Variants in CMTM7 observed in about 807,000 individuals in gnomAD.
CMTM7 encodes CKLF like MARVEL transmembrane domain containing 7, also known as CKLF-like MARVEL transmembrane domain-containing protein 7.
In CMTM7, 7 loss-of-function variants were observed where a neutral mutation model predicts 19.3. The ratio of observed to expected loss-of-function variants is 0.36; its 90% confidence interval spans 0.21 to 0.68. CMTM7 has a LOEUF of 0.68. Among genes scored for constraint, CMTM7 ranks in the 30% least tolerant of loss-of-function variants. The probability of loss-of-function intolerance (pLI) is 0.60; values close to 1 mark genes in which losing one functional copy is unlikely to be tolerated. For missense variants in CMTM7, 193 were observed against 232.6 expected, an observed-to-expected ratio of 0.83 and a Z score of 1.11; for synonymous variants, 87 against 99.3, an observed-to-expected ratio of 0.88 and a Z score of 0.74.
Position 32,411,832 on chromosome 3 carries a change from A to G in CMTM7, c.159+19767A>G, listed in dbSNP as rs527767266. Among the ~76,000 whole-genome samples, 6 of 152,218 alleles carry G rather than the reference A, an allele frequency of 3.9e-5. No homozygotes were observed. The East Asian group carries it at 1.2e-3, about 29-fold the overall frequency. On this transcript the variant is annotated intron_variant, in intron 1 of 4. Coordinates refer to ENST00000334983, the MANE Select transcript of CMTM7 (RefSeq NM_138410.4). ...AGTGGCTCACGCCTCTAATCCCAAC[A>G]CTTTGGGAGGCCGAGGCAGGCGGAT...
intron 1 of CMTM7, among the ~76,000 whole-genome samples, chr3:32,428,000 G>A (rs1696459217): frequency 1.3e-5 from 2 of 152,210 alleles, no homozygotes; most frequent in East Asian, 3.8e-4. Context: ...AAACTGGCTA[G>A]GGCAGAGACT....
chr3:32,400,770 A>G (rs749191392), intron 1 of CMTM7, among the ~76,000 whole-genome samples: 29 of 152,156 alleles, frequency 1.9e-4, no homozygotes, highest in Non-Finnish European at 4.0e-4. Flanking sequence ...GTGCTGTCAT[A>G]GCCAGTCATG....
chr3:32,410,845 G>A (rs1696162834), intron 1 of CMTM7, among the ~76,000 whole-genome samples: 1 of 152,224 alleles, frequency 6.6e-6, no homozygotes. Context: ...GATGACAGAA[G>A]TGTCTGTCAG....
At chr3:32,416,488 T>C (rs895565657) in intron 1 of CMTM7, among the ~76,000 whole-genome samples, 2 of 120,346 alleles carry the variant, frequency 1.7e-5, no homozygotes, top group Non-Finnish European at 3.5e-5. Flanking sequence ...CTTCCCGGGT[T>C]CACTCCATTC....
chr3:32,411,383 T>G (rs954923234), intron 1 of CMTM7, among the ~76,000 whole-genome samples: 19 of 152,240 alleles, frequency 1.2e-4, no homozygotes, highest in Non-Finnish European at 5.9e-5. Flanking sequence ...GAAAAATAAA[T>G]TGGTTAAGAT....
At chr3:32,444,439 C>T (rs1696725364) in intron 2 of CMTM7, among the ~76,000 whole-genome samples, 1 of 152,220 alleles carries the variant, frequency 6.6e-6, no homozygotes, top group African/African-American at 2.4e-5. Context: ...ATGCCATTAT[C>T]ACACTATTTT....
intron 1 of CMTM7, among the ~76,000 whole-genome samples, chr3:32,424,569 A>G (rs554560630): frequency 6.6e-6 from 1 of 152,046 alleles, no homozygotes; most frequent in Admixed American, 6.5e-5. Flanking sequence ...GATTCAGAAT[A>G]TCTGGTTGCA....
At chr3:32,392,178 C>A in intron 1 of CMTM7, 113 bp downstream of exon 1, 1 of 839,200 alleles carries the variant, frequency 1.2e-6, no homozygotes, top group Non-Finnish European at 1.6e-6. Context: ...GGGAGCATCG[C>A]GCAGCGGGCG....
At position 32,454,266 on chromosome 3, in the gene CMTM7, C is replaced by T. The variant is rs759153858; in HGVS notation, c.*12C>T. On this transcript the variant is annotated 3_prime_UTR_variant, in exon 5 of 5. Coordinates refer to ENST00000334983, the MANE Select transcript of CMTM7 (RefSeq NM_138410.4). ...ATGCAGCCGTCTGATGAGGCCACAA[C>T]CCCTAGGCCCCTCAGGAGCTTTGCA... 4.3e-6 allele frequency: 7 copies of T among 1,613,390 alleles called. No homozygotes were observed. Among genetic ancestry groups the T allele is most frequent in the Non-Finnish European group, 5.9e-6 (7 of 1,179,446 alleles).
At chr3:32,396,466 G>A (rs1392828269) in intron 1 of CMTM7, among the ~76,000 whole-genome samples, 1 of 151,970 alleles carries the variant, frequency 6.6e-6, no homozygotes, top group East Asian at 1.9e-4. Context: ...GAGATTGCGT[G>A]ACTGTACTCT....
At chr3:32,410,606 C>G (rs997178945) in intron 1 of CMTM7, among the ~76,000 whole-genome samples, 12 of 151,478 alleles carry the variant, frequency 7.9e-5, no homozygotes, top group Admixed American at 1.3e-4. Context: ...GCCTGCGGGC[C>G]AAGAAGCTGG....
At chr3:32,439,140 T>A (rs1410194327) in intron 1 of CMTM7, among the ~76,000 whole-genome samples, 1 of 152,166 alleles carries the variant, frequency 6.6e-6, no homozygotes, top group East Asian at 1.9e-4. Flanking sequence ...GGCAGAGGTG[T>A]GAATCATTAT....
intron 1 of CMTM7, among the ~76,000 whole-genome samples, chr3:32,401,869 A>G (rs1431202235): frequency 6.6e-6 from 1 of 152,152 alleles, no homozygotes; most frequent in East Asian, 1.9e-4. Flanking sequence ...TGCGGAGCGG[A>G]AAGGGGGCTG....
intron 1 of CMTM7, among the ~76,000 whole-genome samples, chr3:32,418,948 T>C (rs1369938547): frequency 6.6e-6 from 1 of 152,196 alleles, no homozygotes; most frequent in African/African-American, 2.4e-5. Context: ...GGGATTTGAT[T>C]GAAATTGTGT....
At chr3:32,454,154 C>A in intron 4 of CMTM7, 87 bp from the exon 5 acceptor site, 1 of 1,416,966 alleles carries the variant, frequency 7.1e-7, no homozygotes, top group Non-Finnish European at 9.6e-7. Context: ...CCCCCCTGAG[C>A]AGAACTTGGA....
intron 1 of CMTM7, among the ~76,000 whole-genome samples, chr3:32,421,957 G>A (rs931610568): frequency 6.6e-6 from 1 of 152,190 alleles, no homozygotes; most frequent in African/African-American, 2.4e-5. Flanking sequence ...CAAAGATGAG[G>A]AAACTGAGGC....
At chr3:32,421,183 A>G (rs1393251968) in intron 1 of CMTM7, among the ~76,000 whole-genome samples, 2 of 151,692 alleles carry the variant, frequency 1.3e-5, no homozygotes, top group African/African-American at 4.8e-5. Flanking sequence ...TTTCTCTCCC[A>G]TCTCCAGTCC....
intron 3 of CMTM7, among the ~76,000 whole-genome samples, chr3:32,450,630 A>C (rs1485390393): frequency 6.6e-6 from 1 of 152,056 alleles, no homozygotes; most frequent in Non-Finnish European, 1.5e-5. Context: ...ACAGCCCACC[A>C]TCACACCTCT....
chr3:32,432,027 C>T (rs1055116667), intron 1 of CMTM7, among the ~76,000 whole-genome samples: 2 of 152,200 alleles, frequency 1.3e-5, no homozygotes, highest in Admixed American at 6.5e-5. Flanking sequence ...AGCCCAAGCT[C>T]GCTTCTTGAG....
Sources: gnomAD v4.1 joint callset for allele counts (sites outside exome capture counted in the v4.1 genomes callset) on GRCh38, gnomAD v4.1.1 for gene constraint, MANE v1.5 for transcripts, NCBI Gene and HGNC (gene_info 2026-07-23, HGNC 2026-07-21) for gene names.